CFAP47: variants seen among roughly 807,000 people sequenced by gnomAD.
The protein encoded by CFAP47 is cilia and flagella associated protein 47, also known as cilia- and flagella-associated protein 47.
Under a neutral mutation model 148.1 loss-of-function variants are expected in CFAP47, and 29 were observed. The ratio of observed to expected loss-of-function variants is 0.20; its 90% CI spans 0.15 to 0.27. The LOEUF (loss-of-function observed/expected upper bound fraction) is 0.27. Among genes scored for constraint, CFAP47 ranks in the 10% least tolerant of loss-of-function variants. The pLI, the probability that CFAP47 is intolerant of heterozygous loss-of-function variation, is 1.00. For synonymous variants in CFAP47, 664 were observed against 577.3 expected (o/e 1.15, Z -2.15); for missense variants, 1,872 against 1,697.5 (o/e 1.10, Z -1.81).
chrX:35,971,542 G>A lies in CFAP47; in HGVS notation c.1971-44G>A, dbSNP rs1457936681. ...GAATTTACAGATGCATTTTTTGAAT[G>A]ACTTGACCTCAATTACTGATTATTA... is the stretch of plus-strand genomic sequence containing the variant. On this transcript the variant is annotated intron_variant, in intron 11 of 63. Transcript: ENST00000378653. 6.8e-6 allele frequency: 6 copies of A among 886,179 alleles called. No individual in the cohort carries two copies. In the African/African-American group the frequency reaches 1.2e-4, roughly 18 times the overall value. 73.0% of individuals were successfully genotyped at this position (886,179 alleles called of 1,213,427 possible).
At chrX:36,245,484 T>C (rs782315380) in intron 48 of CFAP47, among the ~76,000 whole-genome samples, 7 of 112,114 alleles carry the variant, frequency 6.2e-5, no homozygotes, top group Non-Finnish European at 1.1e-4. Context: ...AAAACTTTAA[T>C]AGAGTTTTAG....
At chrX:35,997,159 T>G (rs1170607733) in intron 18 of CFAP47, among the ~76,000 whole-genome samples, 153 bp from the exon 19 acceptor site, 1 of 111,547 alleles carries the variant, frequency 9.0e-6, no homozygotes, top group Non-Finnish European at 1.9e-5. Context: ...AAACAAGAAA[T>G]GTGATGACAA....
At chrX:36,214,953 A>T (rs1299780998) in intron 45 of CFAP47, among the ~76,000 whole-genome samples, 1 of 112,147 alleles carries the variant, frequency 8.9e-6, no homozygotes, top group Non-Finnish European at 1.9e-5. Context: ...CAGGCTGGTA[A>T]TTATTTGCCA....
At chrX:35,996,258 G>A (rs138457760) in intron 18 of CFAP47, among the ~76,000 whole-genome samples, 1,859 of 111,287 alleles carry the variant, frequency 0.017, 45 homozygotes, top group African/African-American at 0.058. Context: ...TTTCTCTGAA[G>A]CATTAAGTTA....
intron 62 of CFAP47, among the ~76,000 whole-genome samples, chrX:36,377,424 T>G (rs373738181): frequency 7.1e-5 from 8 of 112,453 alleles, no homozygotes; most frequent in African/African-American, 2.6e-4. Flanking sequence ...AATGTCTTCT[T>G]TTGAGAAGTG....
intron 8 of CFAP47, among the ~76,000 whole-genome samples, 192 bp from the exon 9 acceptor site, chrX:35,966,350 ATAAAAAATTTTAATAATTTTTAT>A (rs1412872255): frequency 3.8e-5 from 4 of 106,034 alleles, no homozygotes; most frequent in African/African-American, 1.4e-4. Flanking sequence ...TTTAAGAAAA[ATAAAAAATTTTAATAATTTTTAT>A]TAAAAAATTA....
intron 45 of CFAP47, among the ~76,000 whole-genome samples, chrX:36,211,865 G>A (rs1437580464): frequency 9.0e-6 from 1 of 111,530 alleles, no homozygotes; most frequent in African/African-American, 3.3e-5. Flanking sequence ...TAACTGTACA[G>A]TGTCTTTTTT....
At chrX:36,071,680 CT>C (rs953669829) in intron 27 of CFAP47, 144 bp from the exon 28 acceptor site, 341 of 396,200 alleles carry the variant, frequency 8.6e-4, no homozygotes, top group Middle Eastern at 1.4e-3. Context: ...GGTGTTTAGA[CT>C]TTTTTTTTAC....
intron 45 of CFAP47, among the ~76,000 whole-genome samples, chrX:36,220,590 C>T (rs1646517999): frequency 9.0e-6 from 1 of 110,586 alleles, no homozygotes; most frequent in African/African-American, 3.3e-5. Flanking sequence ...ATTGAGTTAC[C>T]TCCATAGTTA....
At chrX:36,113,832 T>G (rs1343148144) in intron 33 of CFAP47, among the ~76,000 whole-genome samples, 3 of 107,105 alleles carry the variant, frequency 2.8e-5, no homozygotes, top group African/African-American at 1.0e-4. Context: ...TTTTTTTTTT[T>G]GGAGTCTCGC....
intron 26 of CFAP47, among the ~76,000 whole-genome samples, chrX:36,063,763 C>T (rs1363779465): frequency 9.0e-6 from 1 of 111,566 alleles, no homozygotes; most frequent in African/African-American, 3.3e-5. Context: ...AGGAAATGTT[C>T]CCCCCACAAA....
intron 21 of CFAP47, among the ~76,000 whole-genome samples, chrX:36,007,214 C>T (rs1228259529): frequency 2.7e-5 from 3 of 111,868 alleles, no homozygotes; most frequent in East Asian, 2.8e-4. Context: ...CCTTGATCTG[C>T]GATTTAAGGA....
At chrX:36,034,521 T>C (rs1201118204) in intron 23 of CFAP47, among the ~76,000 whole-genome samples, 1 of 111,186 alleles carries the variant, frequency 9.0e-6, no homozygotes, top group Non-Finnish European at 1.9e-5. Flanking sequence ...AAAGATTATT[T>C]CCTCTCCCTA....
chrX:36,245,418 TG>T (rs1325980796), intron 48 of CFAP47, among the ~76,000 whole-genome samples: 1 of 112,090 alleles, frequency 8.9e-6, no homozygotes, highest in East Asian at 2.8e-4. Context: ...GCAGACAATA[TG>T]GTTCTACACC....
At chrX:36,146,917 G>T (rs1476440441) in intron 36 of CFAP47, among the ~76,000 whole-genome samples, 2 of 110,335 alleles carry the variant, frequency 1.8e-5, no homozygotes, top group African/African-American at 6.6e-5. Flanking sequence ...GAATAGCTGG[G>T]AGTACAGGTG....
chrX:36,104,567 AC>A lies in CFAP47; in HGVS notation c.5198del (p.Pro1733GlnfsTer24). ...NMPPICVQNT[P>X]KVNPCFASSN... ...TGCCCCCCATATGTGTGCAAAATAC[AC>A]CAAAAGTCAATCCTTGTTTTGCATC... On this transcript the variant is annotated frameshift_variant, in exon 33 of 64. Transcript: ENST00000378653. LOFTEE classifies it high-confidence loss of function. 9.9e-7 allele frequency: 1 copy of A among 1,013,742 alleles called. No individual in the cohort carries two copies. The highest frequency in any genetic ancestry group is 1.4e-6 in the Non-Finnish European group (1 of 724,048). The allele number at this position is 1,013,742 out of a possible 1,213,427, so 83.5% of individuals were successfully genotyped here.
intron 42 of CFAP47, among the ~76,000 whole-genome samples, chrX:36,191,041 A>C (rs1011384704): frequency 2.7e-5 from 3 of 111,931 alleles, no homozygotes; most frequent in Admixed American, 9.5e-5. Flanking sequence ...GAAAAATAAT[A>C]TACCTATTAG....
chrX:36,073,180 G>A lies in CFAP47; in HGVS notation c.4507G>A (p.Glu1503Lys), dbSNP rs373097537. 5 of 1,208,243 alleles carry A rather than the reference G, an allele frequency of 4.1e-6. No homozygotes were observed. The highest frequency in any genetic ancestry group is 5.6e-6 in the Non-Finnish European group (5 of 894,095). Residue 1503 changes from glutamate (E) to lysine (K), a missense_variant, in exon 29 of 64, where the codon GAA becomes AAA. Coordinates refer to ENST00000378653, the MANE Select transcript of CFAP47 (RefSeq NM_001304548.2). Reference sequence around the variant, plus strand: ...TGAAAATTTGCACTTGGATGAAAGTGAAACATCAGAGGAAGATCATGGGTC... The same window carrying A: ...TGAAAATTTGCACTTGGATGAAAGTAAAACATCAGAGGAAGATCATGGGTC... ...LPENLHLDES[E>K]TSEEDHGSLE...
In CFAP47 at chrX:36,099,734, T is replaced by A. The variant is rs774067964; in HGVS notation, c.4999-17T>A. The A allele has an allele frequency of 9.1e-6, 7 of 765,287 alleles. No homozygotes were observed. Among genetic ancestry groups the A allele is most frequent in the Non-Finnish European group, 7.8e-6 (4 of 513,482 alleles). The allele number at this position is 765,287 out of a possible 1,213,427, so 63.1% of individuals were successfully genotyped here. On this transcript the variant is annotated splice_polypyrimidine_tract_variant and intron_variant, in intron 31 of 63. Coordinates refer to ENST00000378653, the MANE Select transcript of CFAP47 (RefSeq NM_001304548.2). ...CCTTAAATTTTAATTAATGTTGTAC[T>A]ATTTTATTTCTTAAAGTCTTCCACT...
Sources: gnomAD v4.1 joint callset for allele counts (sites outside exome capture counted in the v4.1 genomes callset) on GRCh38, gnomAD v4.1.1 for gene constraint, MANE v1.5 for transcripts, NCBI Gene and HGNC (gene_info 2026-07-23, HGNC 2026-07-21) for gene names.